Variants in AFF2 observed in about 807,000 individuals in gnomAD.
AFF2 encodes AF4/FMR2 family member 2.
Under a neutral mutation model 76.9 loss-of-function variants are expected in AFF2, and 14 were observed. The ratio of observed to expected loss-of-function variants is 0.18; its 90% CI spans 0.12 to 0.28. The LOEUF (loss-of-function observed/expected upper bound fraction) is 0.28. AFF2 is among the 10% of genes least tolerant of loss of function. The pLI is 1.00. For missense variants in AFF2, 868 were observed against 1,001.1 expected (o/e 0.87, Z 1.79); for synonymous variants, 398 against 366.7 (o/e 1.09, Z -0.98).
At chrX:148,981,098 A>G (rs2072386651) in intron 19 of AFF2, among the ~76,000 whole-genome samples, 1 of 112,388 alleles carries the variant, frequency 8.9e-6, no homozygotes, top group Non-Finnish European at 1.9e-5. Context: ...TGATTTTTCA[A>G]TGATTCACTC....
chrX:148,513,669 A>C (rs1331080545), intron 1 of AFF2, among the ~76,000 whole-genome samples: 1 of 111,913 alleles, frequency 8.9e-6, no homozygotes, highest in African/African-American at 3.2e-5. Flanking sequence ...AAATTATAAA[A>C]TATGGGATAA....
At chrX:148,784,132 A>G (rs1164904373) in intron 3 of AFF2, among the ~76,000 whole-genome samples, 1 of 112,185 alleles carries the variant, frequency 8.9e-6, no homozygotes, top group Non-Finnish European at 1.9e-5. Flanking sequence ...AGGAGTTCAG[A>G]GTAGATTAAG....
At chrX:148,897,240 T>C (rs2071297767) in intron 8 of AFF2, among the ~76,000 whole-genome samples, 1 of 27,569 alleles carries the variant, frequency 3.6e-5, no homozygotes, top group African/African-American at 1.5e-4. Context: ...TATATATATA[T>C]ATATATATAT....
In AFF2 at chrX:148,661,703, C is replaced by T. The variant is rs1307258805; in HGVS notation, c.181-205C>T. ...GGAGTATAAAAATGTTAATCATACCCGCTCATTCCAGAAGCTTTTTCAATA... is the reference window on the plus strand; with the variant it reads ...GGAGTATAAAAATGTTAATCATACCTGCTCATTCCAGAAGCTTTTTCAATA... On this transcript the variant is annotated intron_variant, in intron 2 of 20. Transcript: ENST00000370460. 2.7e-5 allele frequency among the ~76,000 whole-genome samples: 3 copies of T among 111,727 alleles called. No homozygotes were observed. In the East Asian group the frequency reaches 8.3e-4, roughly 31 times the overall value.
chrX:148,632,627 C>T (rs2053991408), intron 1 of AFF2, among the ~76,000 whole-genome samples: 1 of 112,002 alleles, frequency 8.9e-6, no homozygotes, highest in Non-Finnish European at 1.9e-5. Flanking sequence ...GTACATGACA[C>T]CTTCTACTAG....
chrX:148,662,591 C>T lies in AFF2; in HGVS notation c.864C>T (p.Tyr288=), dbSNP rs782802279. ...TGGGGCAGCAAAAGCCAACTGCATACGTCAGACCCATGGATGGCCAGGACC... is the reference window on the plus strand; with the variant it reads ...TGGGGCAGCAAAAGCCAACTGCATATGTCAGACCCATGGATGGCCAGGACC... ...TSMGQQKPTA[Y]VRPMDGQDQA... The change falls in exon 3 of 21, where the codon TAC becomes TAT. Residue 288 remains tyrosine (Y), a synonymous_variant. Transcript: ENST00000370460. 4.1e-5 allele frequency: 49 copies of T among 1,209,683 alleles called. No individual in the cohort carries two copies. Among genetic ancestry groups the T allele is most frequent in the Middle Eastern group, 4.6e-4 (2 of 4,375 alleles).
intron 8 of AFF2, among the ~76,000 whole-genome samples, chrX:148,890,576 C>T (rs782213718): frequency 8.9e-6 from 1 of 112,353 alleles, no homozygotes; most frequent in South Asian, 3.7e-4. Flanking sequence ...ATGACCTTAA[C>T]TTTCCTTTAA....
chrX:148,654,218 A>C (rs782270986), intron 2 of AFF2, among the ~76,000 whole-genome samples: 18 of 111,941 alleles, frequency 1.6e-4, no homozygotes, highest in Non-Finnish European at 3.4e-4. Flanking sequence ...GAACAAAGGA[A>C]GGATTTGCTG....
chrX:148,947,952 CTCCATGTCTTTGGCAAGT>C lies in AFF2; in HGVS notation c.1398-5625_1398-5608del, dbSNP rs782241534. Among the ~76,000 whole-genome samples the C allele has an allele frequency of 1.1e-4, 12 of 112,392 alleles. No individual in the cohort carries two copies. In the East Asian group the frequency reaches 3.3e-3, roughly 31 times the overall value. ...GGACTCTCCCATTAAACATGTCTTG[CTCCATGTCTTTGGCAAGT>C]TCTGGGCCTTGTGAAATGTGTTGCC... On this transcript the variant is annotated intron_variant, in intron 9 of 20. Coordinates refer to ENST00000370460, the MANE Select transcript of AFF2 (RefSeq NM_002025.4).
chrX:148,909,580 A>T (rs782500922), intron 9 of AFF2, among the ~76,000 whole-genome samples: 1 of 112,286 alleles, frequency 8.9e-6, no homozygotes, highest in Non-Finnish European at 1.9e-5. Context: ...AAAGAAATTA[A>T]GTATATGCCT....
chrX:148,727,614 G>GA (rs782281604), intron 3 of AFF2, among the ~76,000 whole-genome samples: 3,777 of 104,776 alleles, frequency 0.036, 69 homozygotes, highest in Non-Finnish European at 0.055. Context: ...CTTTAAAAGT[G>GA]AAAAAAAAAA....
chrX:148,549,614 A>G (rs782688817), intron 1 of AFF2, among the ~76,000 whole-genome samples: 29 of 111,945 alleles, frequency 2.6e-4, no homozygotes, highest in African/African-American at 9.1e-4. Context: ...GCCTAGGCCT[A>G]GATATGCCAA....
chrX:148,797,316 C>G (rs781871491), intron 3 of AFF2, among the ~76,000 whole-genome samples: 1 of 111,688 alleles, frequency 9.0e-6, no homozygotes, highest in South Asian at 3.8e-4. Context: ...CAAAGTCATA[C>G]AGTTTGTCAC....
chrX:148,734,371 C>G (rs781995380), intron 3 of AFF2, among the ~76,000 whole-genome samples: 2 of 111,690 alleles, frequency 1.8e-5, no homozygotes, highest in South Asian at 3.7e-4. Flanking sequence ...TGTGTACCTC[C>G]CAACAATACT....
At position 148,962,828 on chromosome X, in the gene AFF2, G is replaced by C. The variant is rs782631868; in HGVS notation, c.2804G>C (p.Gly935Ala). 3 of 1,208,296 alleles carry C rather than the reference G, an allele frequency of 2.5e-6. No individual in the cohort carries two copies. The highest frequency in any genetic ancestry group is 3.4e-6 in the Non-Finnish European group (3 of 893,575). Reference protein sequence around the residue: ...PRRRNVSGNNGPFGQDKNIAM... With the variant: ...PRRRNVSGNNAPFGQDKNIAM... Reference sequence around the variant, plus strand: ...CGCAGAAATGTCAGTGGCAATAATGGTCCCTTTGGTCAAGACAAAAACATC... The same window carrying C: ...CGCAGAAATGTCAGTGGCAATAATGCTCCCTTTGGTCAAGACAAAAACATC... Residue 935 changes from glycine to alanine, a missense_variant, in exon 13 of 21, where the codon GGT becomes GCT. By Grantham distance (60) the Gly-to-Ala change is moderately conservative (BLOSUM62 0). Transcript: ENST00000370460.
chrX:148,562,799 G>A (rs1285569806), intron 1 of AFF2, among the ~76,000 whole-genome samples: 2 of 111,614 alleles, frequency 1.8e-5, no homozygotes, highest in Admixed American at 9.5e-5. Context: ...CTGCCAAACT[G>A]GAGGCCCTGA....
chrX:148,986,036 G>A (rs782429497), intron 19 of AFF2, among the ~76,000 whole-genome samples: 6 of 99,926 alleles, frequency 6.0e-5, no homozygotes, highest in African/African-American at 1.1e-4. Flanking sequence ...TGTGCTGCCC[G>A]TCAGGGTGCA....
At chrX:148,664,166 G>GTT (rs1329833051) in intron 3 of AFF2, among the ~76,000 whole-genome samples, 3 of 111,292 alleles carry the variant, frequency 2.7e-5, no homozygotes, top group Non-Finnish European at 5.7e-5. Context: ...AGGCAGATCT[G>GTT]ACCATGTCAC....
chrX:148,660,945 G>T (rs1273798135), intron 2 of AFF2, among the ~76,000 whole-genome samples: 1 of 112,181 alleles, frequency 8.9e-6, no homozygotes, highest in East Asian at 2.8e-4. Context: ...TGATAACTTT[G>T]CTTTCTGTAT....
Sources: gnomAD v4.1 joint callset for allele counts (sites outside exome capture counted in the v4.1 genomes callset) on GRCh38, gnomAD v4.1.1 for gene constraint, MANE v1.5 for transcripts, NCBI Gene and HGNC (gene_info 2026-07-23, HGNC 2026-07-21) for gene names.